Variants in RAD51B observed in about 807,000 individuals in gnomAD.
The protein encoded by RAD51B is RAD51 paralog B.
Under a neutral mutation model 42.2 loss-of-function variants are expected in RAD51B, and 38 were observed. That is an observed-to-expected ratio of 0.90 (90% CI 0.70 to 1.18). The LOEUF (loss-of-function observed/expected upper bound fraction) is 1.18, where lower values mean the gene tolerates loss of function less well. RAD51B is among the 50% of genes most tolerant of loss of function. The probability of loss-of-function intolerance (pLI) is 0.00; values close to 1 mark genes in which losing one functional copy is unlikely to be tolerated. For synonymous variants in RAD51B, 154 were observed against 145.2 expected (o/e 1.06, Z -0.43); for missense variants, 373 against 400.7 (o/e 0.93, Z 0.59).
rs1047558496 is a variant in RAD51B, at chr14:68,116,983, A to C, written c.757-174901A>C. Among the ~76,000 whole-genome samples the C allele has an allele frequency of 2.6e-5, 4 of 152,240 alleles. No individual in the cohort carries two copies. The South Asian group carries it at 6.2e-4, about 24-fold the overall frequency. ...TTTACAGCCATATTCATTAATTTACATAAGTCCCTTGGAAGGTAACAATGT... is the reference window on the plus strand; with the variant it reads ...TTTACAGCCATATTCATTAATTTACCTAAGTCCCTTGGAAGGTAACAATGT... On this transcript the variant is annotated intron_variant, in intron 7 of 10. Coordinates refer to ENST00000471583, the MANE Select transcript of RAD51B (RefSeq NM_133510.4).
chr14:68,518,299 G>A (rs924634477), intron 10 of RAD51B, among the ~76,000 whole-genome samples: 1 of 152,148 alleles, frequency 6.6e-6, no homozygotes. Context: ...GGCAGAGTAG[G>A]CTTGCACCCC....
At chr14:67,927,772 T>C (rs1225337438) in intron 7 of RAD51B, among the ~76,000 whole-genome samples, 2 of 142,928 alleles carry the variant, frequency 1.4e-5, no homozygotes, top group African/African-American at 6.1e-5. Flanking sequence ...ATATTATATA[T>C]ATACACATAT....
intron 7 of RAD51B, among the ~76,000 whole-genome samples, chr14:68,251,150 G>T (rs947561843): frequency 9.9e-5 from 15 of 151,474 alleles, no homozygotes; most frequent in Non-Finnish European, 1.8e-4. Context: ...AGATCCAGGG[G>T]AAAAAAAGAA....
At chr14:68,259,375 A>G (rs1405122846) in intron 7 of RAD51B, among the ~76,000 whole-genome samples, 1 of 152,150 alleles carries the variant, frequency 6.6e-6, no homozygotes, top group Non-Finnish European at 1.5e-5. Context: ...TGGGTGCAGC[A>G]TACCAACATG....
At chr14:68,411,026 T>C (rs1180223088) in intron 8 of RAD51B, among the ~76,000 whole-genome samples, 1 of 152,206 alleles carries the variant, frequency 6.6e-6, no homozygotes, top group Non-Finnish European at 1.5e-5. Flanking sequence ...GACTCTTGTC[T>C]AGCTAAAAAT....
intron 7 of RAD51B, among the ~76,000 whole-genome samples, chr14:68,250,066 C>T (rs956329711): frequency 2.6e-5 from 4 of 152,170 alleles, no homozygotes; most frequent in African/African-American, 4.8e-5. Context: ...TGCTTTGGCG[C>T]TTTAGTGAAT....
chr14:68,159,889 C>T (rs758441540), intron 7 of RAD51B, among the ~76,000 whole-genome samples: 2 of 152,080 alleles, frequency 1.3e-5, no homozygotes, highest in Non-Finnish European at 2.9e-5. Flanking sequence ...TTACTTTATG[C>T]TTCAATGGGC....
intron 10 of RAD51B, among the ~76,000 whole-genome samples, chr14:68,587,968 C>G (rs1046505843): frequency 1.3e-5 from 2 of 152,186 alleles, no homozygotes; most frequent in Non-Finnish European, 2.9e-5. Context: ...GGCCTGGAAC[C>G]TGCAGCAGGA....
At chr14:68,584,542 T>C (rs1319965273) in intron 10 of RAD51B, among the ~76,000 whole-genome samples, 1 of 152,208 alleles carries the variant, frequency 6.6e-6, no homozygotes, top group Non-Finnish European at 1.5e-5. Context: ...CAATGTTTCC[T>C]CACCTCCAGC....
At chr14:68,456,591 A>G (rs1376776490) in intron 9 of RAD51B, among the ~76,000 whole-genome samples, 5 of 152,196 alleles carry the variant, frequency 3.3e-5, no homozygotes, top group African/African-American at 1.2e-4. Flanking sequence ...TGAAGCAAAA[A>G]CTAATAGAAT....
At chr14:68,262,875 C>T (rs528778610) in intron 7 of RAD51B, among the ~76,000 whole-genome samples, 171 of 152,290 alleles carry the variant, frequency 1.1e-3, no homozygotes, top group Non-Finnish European at 1.6e-3. Context: ...TACTTCTCTA[C>T]GACTATCCAT....
At chr14:68,627,300 T>C (rs1018253493) in intron 10 of RAD51B, 1 of 152,206 alleles carries the variant, frequency 6.6e-6, no homozygotes, top group African/African-American at 2.4e-5. Context: ...CTTGCCAAGA[T>C]GATGTCACAT....
rs140643190 is a variant in RAD51B, at chr14:68,208,720, G to T, written c.757-83164G>T. ...CTGGACACAGCTGGAAAATGATAGA[G>T]CTTGAACTCAGGTTAACTGACCCTC... On this transcript the variant is annotated intron_variant, in intron 7 of 10. Transcript: ENST00000471583. 6.8e-3 allele frequency among the ~76,000 whole-genome samples: 1,040 copies of T among 152,248 alleles called. 3 individuals are homozygous for T. Among genetic ancestry groups the T allele is most frequent in the Non-Finnish European group, 0.011 (719 of 68,022 alleles).
intron 10 of RAD51B, among the ~76,000 whole-genome samples, chr14:68,627,916 T>A (rs1052166748): frequency 1.9e-5 from 2 of 104,260 alleles, no homozygotes; most frequent in Admixed American, 1.9e-4. Flanking sequence ...TATTCAGTTA[T>A]TTTTTTTTAA....
intron 8 of RAD51B, among the ~76,000 whole-genome samples, chr14:68,391,843 C>T (rs1250853550): frequency 2.0e-5 from 3 of 152,216 alleles, no homozygotes; most frequent in Non-Finnish European, 2.9e-5. Context: ...GGCAGCTGCA[C>T]AGTCAGTCCT....
intron 7 of RAD51B, among the ~76,000 whole-genome samples, chr14:68,021,355 C>T (rs1049979999): frequency 6.6e-6 from 1 of 152,154 alleles, no homozygotes; most frequent in African/African-American, 2.4e-5. Context: ...AAGCCACTCT[C>T]AGGAAGGTTT....
At chr14:68,166,404 G>T (rs1269153996) in intron 7 of RAD51B, among the ~76,000 whole-genome samples, 1 of 151,906 alleles carries the variant, frequency 6.6e-6, no homozygotes, top group African/African-American at 2.4e-5. Flanking sequence ...TTTCCTTTAA[G>T]AATTATTTGC....
At chr14:67,897,562 A>C (rs545960335) in intron 7 of RAD51B, among the ~76,000 whole-genome samples, 8 of 152,072 alleles carry the variant, frequency 5.3e-5, no homozygotes, top group African/African-American at 1.9e-4. Flanking sequence ...ATAAGATAAC[A>C]CTCACATCGC....
intron 7 of RAD51B, among the ~76,000 whole-genome samples, chr14:68,092,877 A>C (rs1325644772): frequency 6.6e-6 from 1 of 151,758 alleles, no homozygotes; most frequent in African/African-American, 2.4e-5. Context: ...ACGTCCCATC[A>C]ATACCTAATT....
Sources: gnomAD v4.1 joint callset for allele counts (sites outside exome capture counted in the v4.1 genomes callset) on GRCh38, gnomAD v4.1.1 for gene constraint, MANE v1.5 for transcripts, NCBI Gene and HGNC (gene_info 2026-07-23, HGNC 2026-07-21) for gene names.